The following ST8SIA1 variants were observed in gnomAD, a reference collection of about 807,000 sequenced individuals.
ST8SIA1 encodes the protein alpha-N-acetylneuraminide alpha-2,8-sialyltransferase.
ST8SIA1 carries 16 observed loss-of-function variants against 35.9 expected under a neutral mutation model. That is an observed-to-expected ratio of 0.45 (90% CI 0.30 to 0.68). The LOEUF (loss-of-function observed/expected upper bound fraction) is 0.68. Among genes scored for constraint, ST8SIA1 ranks in the 30% least tolerant of loss-of-function variants. The probability of loss-of-function intolerance (pLI) is 0.09; values close to 1 mark genes in which losing one functional copy is unlikely to be tolerated. For missense variants in ST8SIA1, 383 were observed against 453.6 expected (o/e 0.84, Z 1.41); for synonymous variants, 170 against 169.6 (o/e 1.00, Z -0.02).
At chr12:22,306,635 G>T (rs577006346) in intron 1 of ST8SIA1, among the ~76,000 whole-genome samples, 1 of 152,222 alleles carries the variant, frequency 6.6e-6, no homozygotes, top group East Asian at 1.9e-4. Context: ...TTAAATGTTT[G>T]TAAGATGTTA....
intron 1 of ST8SIA1, among the ~76,000 whole-genome samples, chr12:22,326,997 G>C (rs1453995200): frequency 6.6e-6 from 1 of 152,032 alleles, no homozygotes; most frequent in African/African-American, 2.4e-5. Context: ...GATCCAACTA[G>C]TTTCCTAAAA....
At chr12:22,229,915 C>A (rs766937509) in intron 4 of ST8SIA1, among the ~76,000 whole-genome samples, 2 of 152,026 alleles carry the variant, frequency 1.3e-5, no homozygotes, top group African/African-American at 4.8e-5. Context: ...GGAAAACCAA[C>A]AAAGGAAGAT....
intron 2 of ST8SIA1, among the ~76,000 whole-genome samples, chr12:22,276,351 C>A (rs1865968892): frequency 1.3e-5 from 2 of 152,328 alleles, no homozygotes; most frequent in South Asian, 2.1e-4. Flanking sequence ...GATTTTTCTC[C>A]TCTGTCCCGA....
intron 1 of ST8SIA1, among the ~76,000 whole-genome samples, chr12:22,301,249 T>C (rs958010055): frequency 6.6e-6 from 1 of 151,640 alleles, no homozygotes. Flanking sequence ...ACTCTGGAGA[T>C]TGTGACATCA....
intron 4 of ST8SIA1, among the ~76,000 whole-genome samples, chr12:22,241,598 A>ATTTTTTTTTT (rs71053392): frequency 9.6e-6 from 1 of 104,380 alleles, no homozygotes; most frequent in African/African-American, 3.6e-5. Flanking sequence ...AGACTCCGGT[A>ATTTTTTTTTT]TTTTTTTTTT....
intron 4 of ST8SIA1, among the ~76,000 whole-genome samples, chr12:22,229,803 A>G (rs893486443): frequency 1.3e-5 from 2 of 152,130 alleles, no homozygotes; most frequent in Non-Finnish European, 2.9e-5. Context: ...GCCAGTAGAC[A>G]CATAGCTGTC....
At position 22,201,594 on chromosome 12, in the gene ST8SIA1, C is replaced by A. The variant is rs1216742701; in HGVS notation, c.1029G>T (p.Gln343His). 6.2e-6 allele frequency: 10 copies of A among 1,613,550 alleles called. No homozygotes were observed. In the East Asian group the frequency reaches 2.0e-4, roughly 32 times the overall value. ...YLHKIGALRM[Q>H]LDPCEDTSLQ... The stretch of plus-strand genomic sequence containing the variant: ...GTGAGGTATCTTCACATGGGTCCAG[C>A]TGCATTCTCAGTGCACCGATTTTAT... The change falls in exon 5 of 5, where the codon CAG becomes CAT. Residue 343 changes from glutamine to histidine, a missense_variant. Gln to His is a conservative substitution (Grantham distance 24, BLOSUM62 0). Coordinates refer to ENST00000396037, the MANE Select transcript of ST8SIA1 (RefSeq NM_003034.4).
intron 1 of ST8SIA1, among the ~76,000 whole-genome samples, chr12:22,310,513 G>C (rs1276414806): frequency 6.6e-6 from 1 of 152,142 alleles, no homozygotes; most frequent in Non-Finnish European, 1.5e-5. Flanking sequence ...CGATTGCCTA[G>C]AGACCATATG....
intron 4 of ST8SIA1, among the ~76,000 whole-genome samples, chr12:22,228,420 G>A (rs1432490741): frequency 6.6e-6 from 1 of 152,108 alleles, no homozygotes; most frequent in Non-Finnish European, 1.5e-5. Flanking sequence ...CAGTTCTCTT[G>A]TAGATTTTTT....
chr12:22,207,473 CAAA>C (rs535369970), intron 4 of ST8SIA1, among the ~76,000 whole-genome samples: 1 of 151,410 alleles, frequency 6.6e-6, no homozygotes, highest in Admixed American at 6.6e-5. Flanking sequence ...TCACATGTGA[CAAA>C]AAAAATCAGC....
At chr12:22,248,665 A>G (rs1324521950) in intron 4 of ST8SIA1, among the ~76,000 whole-genome samples, 2 of 152,218 alleles carry the variant, frequency 1.3e-5, no homozygotes, top group Admixed American at 1.3e-4. Context: ...AATTCAGTTC[A>G]CAGTTGCCAA....
chr12:22,228,909 CTGGGCATGGTGG>C (rs1865385590), intron 4 of ST8SIA1, among the ~76,000 whole-genome samples: 1 of 151,930 alleles, frequency 6.6e-6, no homozygotes, highest in South Asian at 2.1e-4. Flanking sequence ...CAAAAATTAG[CTGGGCATGGTGG>C]TGGGCATTTG....
rs1428159595 is a variant in ST8SIA1 at position 22,194,212 on chromosome 12, C to G, written c.*7340G>C. On this transcript the variant is annotated 3_prime_UTR_variant, in exon 5 of 5. Coordinates refer to ENST00000396037, the MANE Select transcript of ST8SIA1 (RefSeq NM_003034.4). Reference sequence around the variant, plus strand: ...GTGTCTATAGTAACCTATCAACACCCAACGGTGCTCAAGACTGAATGATAA... The same window carrying G: ...GTGTCTATAGTAACCTATCAACACCGAACGGTGCTCAAGACTGAATGATAA... The G allele has an allele frequency of 1.3e-5, 2 of 152,116 alleles. No homozygotes were observed. The highest frequency in any genetic ancestry group is 4.8e-5 in the African/African-American group (2 of 41,428). 9.4% of individuals were successfully genotyped at this position (152,116 alleles called of 1,614,324 possible).
chr12:22,253,519 G>C (rs539509192), intron 3 of ST8SIA1, among the ~76,000 whole-genome samples: 4 of 152,114 alleles, frequency 2.6e-5, no homozygotes, highest in Non-Finnish European at 5.9e-5. Flanking sequence ...CAGCTCACAC[G>C]CCACTTCTCT....
chr12:22,311,343 A>G (rs12309232), intron 1 of ST8SIA1, among the ~76,000 whole-genome samples: 6,423 of 152,146 alleles, frequency 0.042, 426 homozygotes, highest in African/African-American at 0.15. Context: ...GGGGTGCAAG[A>G]CAGCAGGTAG....
chr12:22,215,988 G>A (rs1013808008), intron 4 of ST8SIA1, among the ~76,000 whole-genome samples: 5 of 152,204 alleles, frequency 3.3e-5, no homozygotes, highest in Admixed American at 6.5e-5. Flanking sequence ...AAATGACAGT[G>A]CAGAATAGAA....
At chr12:22,291,050 A>G (rs1250215888) in intron 1 of ST8SIA1, among the ~76,000 whole-genome samples, 8 of 152,234 alleles carry the variant, frequency 5.3e-5, no homozygotes, top group Admixed American at 1.3e-4. Context: ...TAACCGCAAC[A>G]TAAAGGTAAA....
At chr12:22,301,038 AATAATT>A (rs915640869) in intron 1 of ST8SIA1, among the ~76,000 whole-genome samples, 4 of 152,104 alleles carry the variant, frequency 2.6e-5, no homozygotes, top group African/African-American at 9.7e-5. Flanking sequence ...CATTTTCAGT[AATAATT>A]ATAATTGTTA....
chr12:22,301,265 G>T (rs1329962116), intron 1 of ST8SIA1, among the ~76,000 whole-genome samples: 2 of 147,562 alleles, frequency 1.4e-5, no homozygotes, highest in African/African-American at 5.0e-5. Flanking sequence ...CATCAGAATA[G>T]TGGTAAAACT....
Sources: allele counts gnomAD v4.1 joint callset (sites outside exome capture counted in the v4.1 genomes callset), GRCh38; gene constraint gnomAD v4.1.1; transcripts MANE v1.5; gene names NCBI Gene and HGNC (gene_info 2026-07-23, HGNC 2026-07-21).